Variants in VDAC1 observed in about 807,000 individuals in gnomAD.
VDAC1 encodes the protein voltage dependent anion channel 1.
VDAC1 carries 10 observed loss-of-function variants against 34.7 expected under a neutral mutation model. The observed-to-expected ratio is 0.29, with a 90% CI of 0.18 to 0.49. The LOEUF is 0.49. VDAC1 is among the 20% of genes least tolerant of loss of function. The probability of loss-of-function intolerance (pLI) is 0.99; values close to 1 mark genes in which losing one functional copy is unlikely to be tolerated. For missense variants in VDAC1, 230 were observed against 347.9 expected (o/e 0.66, Z 2.69); for synonymous variants, 130 against 136.0 (o/e 0.96, Z 0.30).
the VDAC1 span, among the ~76,000 whole-genome samples, chr5:134,012,024 A>G: frequency 1.3e-5 from 2 of 152,068 alleles, no homozygotes; most frequent in Non-Finnish European, 2.9e-5. Flanking sequence ...AGGGGTGGGG[A>G]GAGAGACAGA....
At chr5:134,008,082 G>C (rs1257219407), upstream of VDAC1, among the ~76,000 whole-genome samples, 2 of 152,162 alleles carry the variant, frequency 1.3e-5, no homozygotes, top group Non-Finnish European at 2.9e-5. Context: ...ACATGGCCCA[G>C]TCTGACCAAT....
the VDAC1 span, among the ~76,000 whole-genome samples, chr5:134,057,499 C>CTATATCTATATG: frequency 0.012 from 612 of 52,470 alleles, 11 homozygotes; most frequent in East Asian, 0.1. Context: ...AAATTTATAT[C>CTATATCTATATG]TATATCTATA....
chr5:134,011,639 C>CTTTT, the VDAC1 span, among the ~76,000 whole-genome samples: 1 of 135,072 alleles, frequency 7.4e-6, no homozygotes, highest in Admixed American at 7.4e-5. Flanking sequence ...ATCACAAGTT[C>CTTTT]TTTTTTTTTT....
At chr5:134,105,774 C>T in the VDAC1 span, among the ~76,000 whole-genome samples, 1 of 152,254 alleles carries the variant, frequency 6.6e-6, no homozygotes, top group Non-Finnish European at 1.5e-5. Flanking sequence ...GCCCTGCTCC[C>T]TTGGCAGTGC....
chr5:134,073,842 A>T, the VDAC1 span, among the ~76,000 whole-genome samples: 2 of 152,148 alleles, frequency 1.3e-5, no homozygotes, highest in Non-Finnish European at 2.9e-5. Flanking sequence ...TCCCAAACAA[A>T]ATTATTTTTG....
At chr5:134,039,992 C>T in the VDAC1 span, among the ~76,000 whole-genome samples, 4 of 152,172 alleles carry the variant, frequency 2.6e-5, no homozygotes, top group African/African-American at 9.7e-5. Context: ...TGACAGCACC[C>T]CCTTAGGCGC....
chr5:134,056,696 C>CT, the VDAC1 span, among the ~76,000 whole-genome samples: 1 of 151,994 alleles, frequency 6.6e-6, no homozygotes. Flanking sequence ...TTTTCTTTTT[C>CT]TTTTTTGAGA....
chr5:133,980,653 AC>A, intron 6 of VDAC1, 75 bp downstream of exon 6: 98 of 953,036 alleles, frequency 1.0e-4, no homozygotes, highest in South Asian at 1.4e-4. Context: ...AAAAAAAAAA[AC>A]AGTGAAAAGC....
At chr5:133,985,376 A>ATC (rs1752867965) in intron 5 of VDAC1, among the ~76,000 whole-genome samples, 13 of 152,174 alleles carry the variant, frequency 8.5e-5, no homozygotes, top group Non-Finnish European at 1.5e-4. Context: ...AAAAATCCAA[A>ATC]ACTGGTCAGG....
At chr5:133,997,754 C>T (rs1753382285) in intron 1 of VDAC1, among the ~76,000 whole-genome samples, 1 of 144,666 alleles carries the variant, frequency 6.9e-6, no homozygotes, top group Non-Finnish European at 1.5e-5. Flanking sequence ...TATGTGGTGG[C>T]ATAGAAAGCT....
the VDAC1 span, among the ~76,000 whole-genome samples, chr5:134,079,496 G>C: frequency 6.6e-6 from 1 of 152,184 alleles, no homozygotes; most frequent in African/African-American, 2.4e-5. Flanking sequence ...TGGAGAATGA[G>C]GGAACAAAAA....
chr5:134,020,513 G>A, the VDAC1 span, among the ~76,000 whole-genome samples: 6 of 152,152 alleles, frequency 3.9e-5, no homozygotes, highest in African/African-American at 1.4e-4. Flanking sequence ...AGAGAATCCA[G>A]CTTTGCTTCC....
At chr5:134,060,034 C>T in the VDAC1 span, among the ~76,000 whole-genome samples, 1 of 151,736 alleles carries the variant, frequency 6.6e-6, no homozygotes, top group Non-Finnish European at 1.5e-5. Flanking sequence ...AGGGCTGTTC[C>T]ACAGAGATCC....
the VDAC1 span, among the ~76,000 whole-genome samples, chr5:134,104,957 CGTAAACAGCA>C: frequency 6.6e-6 from 1 of 152,186 alleles, no homozygotes; most frequent in Non-Finnish European, 1.5e-5. Context: ...TACTGTCTCC[CGTAAACAGCA>C]TGCTATTCCC....
intron 5 of VDAC1, 102 bp downstream of exon 5, chr5:133,990,753 A>C: frequency 7.2e-7 from 1 of 1,386,672 alleles, no homozygotes; most frequent in East Asian, 2.4e-5. Flanking sequence ...CGGAGACCAT[A>C]TTTTAGGTGC....
At chr5:134,088,480 G>C in the VDAC1 span, among the ~76,000 whole-genome samples, 1 of 152,226 alleles carries the variant, frequency 6.6e-6, no homozygotes, top group African/African-American at 2.4e-5. Context: ...GCATGGAGGA[G>C]GCAAGGGAGA....
the VDAC1 span, among the ~76,000 whole-genome samples, chr5:134,087,725 A>G: frequency 6.6e-6 from 1 of 151,352 alleles, no homozygotes; most frequent in African/African-American, 2.4e-5. Context: ...GTGTGGTGGC[A>G]CGTGCCTGTA....
chr5:134,053,710 T>C, the VDAC1 span, among the ~76,000 whole-genome samples: 5 of 152,226 alleles, frequency 3.3e-5, no homozygotes, highest in African/African-American at 1.2e-4. Context: ...AGTTAGCATC[T>C]CTGTGCTACC....
the VDAC1 span, among the ~76,000 whole-genome samples, chr5:134,063,922 C>A: frequency 6.6e-6 from 1 of 151,810 alleles, no homozygotes; most frequent in Admixed American, 6.6e-5. Context: ...AGCCTCAAAC[C>A]CCCAGACTCA....
Sources: allele counts gnomAD v4.1 joint callset (sites outside exome capture counted in the v4.1 genomes callset), GRCh38; gene constraint gnomAD v4.1.1; transcripts MANE v1.5; gene names NCBI Gene and HGNC (gene_info 2026-07-23, HGNC 2026-07-21).